Variants in BEGAIN observed in about 807,000 individuals in gnomAD.
BEGAIN encodes brain enriched guanylate kinase associated, also known as brain-enriched guanylate kinase-associated protein.
A neutral mutation model predicts 35.8 loss-of-function variants in BEGAIN; 19 were observed. The ratio of observed to expected loss-of-function variants is 0.53; its 90% CI spans 0.37 to 0.78. The LOEUF is 0.78. Among genes scored for constraint, BEGAIN ranks in the 30% least tolerant of loss-of-function variants. BEGAIN has a pLI of 0.00. For missense variants in BEGAIN, 795 were observed against 853.6 expected (o/e 0.93, Z 0.85); for synonymous variants, 462 against 388.6 (o/e 1.19, Z -2.22).
intron 1 of BEGAIN, among the ~76,000 whole-genome samples, chr14:100,585,592 G>A (rs1228475974): frequency 6.6e-6 from 1 of 151,604 alleles, no homozygotes. Context: ...TCCATAAATG[G>A]CAGCTATGTG....
chr14:100,572,446 G>A (rs1027961871), intron 1 of BEGAIN, among the ~76,000 whole-genome samples: 3 of 152,118 alleles, frequency 2.0e-5, no homozygotes, highest in Non-Finnish European at 2.9e-5. Flanking sequence ...TCCGACTCAG[G>A]CCAGCCCCAC....
Position 100,567,700 on chromosome 14 carries a change from G to C in BEGAIN, c.71+211C>G, listed in dbSNP as rs2034822503. On this transcript the variant is annotated intron_variant, in intron 2 of 6. Coordinates refer to ENST00000554140, the MANE Select transcript of BEGAIN (RefSeq NM_001385089.1). The surrounding 1 kb of genome is among the most constrained non-coding windows in gnomAD (Gnocchi z 5.1). ...GCCCCAGCCCCCGCCGCAGCGGCCC[G>C]GGCCGGCGGAGGAGCCCCGCGCGAG... is the stretch of plus-strand genomic sequence containing the variant. 6.6e-6 allele frequency among the ~76,000 whole-genome samples: 1 copy of C among 151,266 alleles called. No individual in the cohort carries two copies. Among genetic ancestry groups the C allele is most frequent in the Non-Finnish European group, 1.5e-5 (1 of 67,714 alleles).
chr14:100,543,812 A>T, intron 5 of BEGAIN, 46 bp downstream of exon 5: 3 of 1,493,024 alleles, frequency 2.0e-6, no homozygotes, highest in Non-Finnish European at 2.8e-6. Flanking sequence ...GCCCTCGCCT[A>T]GGCCCACCGG....
At chr14:100,581,232 G>A (rs59523201) in intron 1 of BEGAIN, among the ~76,000 whole-genome samples, 3,744 of 152,314 alleles carry the variant, frequency 0.025, 170 homozygotes, top group African/African-American at 0.085. Context: ...TGATGTGGCC[G>A]TTTCACTAGC....
At chr14:100,566,781 G>C (rs1050082276) in intron 2 of BEGAIN, among the ~76,000 whole-genome samples, 13 of 152,190 alleles carry the variant, frequency 8.5e-5, no homozygotes, top group South Asian at 2.1e-4. Flanking sequence ...AGACATGTTG[G>C]TCCTGTCCCT....
At chr14:100,560,017 A>G (rs1291511693) in intron 2 of BEGAIN, among the ~76,000 whole-genome samples, 1 of 152,094 alleles carries the variant, frequency 6.6e-6, no homozygotes, top group Non-Finnish European at 1.5e-5. Flanking sequence ...GGATCCCCCA[A>G]TCTCTGCACC....
intron 5 of BEGAIN, among the ~76,000 whole-genome samples, chr14:100,542,311 A>C (rs2031745724): frequency 6.6e-6 from 1 of 152,190 alleles, no homozygotes; most frequent in Admixed American, 6.5e-5. Context: ...CCCCCTTCTC[A>C]AGTGGTTGTT....
intron 1 of BEGAIN, among the ~76,000 whole-genome samples, chr14:100,583,692 C>CTTTTTTTTTTTTTTTTTTTTTTTTTT (rs56090356): frequency 4.6e-5 from 5 of 108,980 alleles, no homozygotes; most frequent in Non-Finnish European, 8.9e-5. Context: ...GTTTTTCTTC[C>CTTTTTTTTTTTTTTTTTTTTTTTTTT]TTTTTTTTTT....
chr14:100,540,363 G>A, intron 6 of BEGAIN, 133 bp downstream of exon 6: 2 of 717,686 alleles, frequency 2.8e-6, no homozygotes, highest in African/African-American at 1.8e-5. Flanking sequence ...ACAGGAGCGA[G>A]GGGGACAGAG....
rs965922128 is a variant in BEGAIN, at chr14:100,540,523, G to A, written c.465C>T (p.Thr155=). The change falls in exon 6 of 7, where the codon ACC becomes ACT. Residue 155 remains threonine (T), a synonymous_variant. Transcript: ENST00000554140. ...CAGACACCTTGTGGACCCTGCCGTAGGTCTGGCTGCACTGCAGCAGCTGGG... is the reference window on the plus strand; with the variant it reads ...CAGACACCTTGTGGACCCTGCCGTAAGTCTGGCTGCACTGCAGCAGCTGGG... ...LAAQLLQCSQ[T]YGRVHKVSEL... 3 of 1,606,442 alleles carry A rather than the reference G, an allele frequency of 1.9e-6. No individual in the cohort carries two copies. The South Asian group carries it at 3.3e-5, about 18-fold the overall frequency.
Position 100,546,804 on chromosome 14 carries a change from ACACACACACT to A in BEGAIN, c.72-152_72-143del, listed in dbSNP as rs1179699971. 1.5e-4 allele frequency: 95 copies of A among 632,780 alleles called. No homozygotes were observed. In the African/African-American group the frequency reaches 1.7e-3, roughly 12 times the overall value. The allele number at this position is 632,780 out of a possible 1,614,324, so 39.2% of individuals were successfully genotyped here. On this transcript the variant is annotated intron_variant, in intron 2 of 6. Transcript: ENST00000554140. ...CGCACACACACACACACACACACACACACACACACTCACACACACCCAGCCTCCCGGGCGT... is the reference window on the plus strand; with the variant it reads ...CGCACACACACACACACACACACACACACACACACCCAGCCTCCCGGGCGT...
Position 100,546,507 on chromosome 14 carries a change from A to C in BEGAIN, c.227T>G (p.Leu76Arg), listed in dbSNP as rs753062286. 4 of 1,510,714 alleles carry C rather than the reference A, an allele frequency of 2.6e-6. No individual in the cohort carries two copies. The highest frequency in any genetic ancestry group is 3.5e-6 in the Non-Finnish European group (4 of 1,132,098). The allele number at this position is 1,510,714 out of a possible 1,614,324, so 93.6% of individuals were successfully genotyped here. A position where few individuals can be genotyped will look rare whatever the true frequency, so the allele number is the denominator to read the frequency against. Reference protein sequence around the residue: ...QEELEKVTEKLRRIQSNYMAL... With the variant: ...QEELEKVTEKRRRIQSNYMAL... Reference sequence around the variant, plus strand: ...CCCTCGCCCCGCCCCTCACCTGCGCAGCTTCTCCGTGACCTTCTCCAGTTC... The same window carrying C: ...CCCTCGCCCCGCCCCTCACCTGCGCCGCTTCTCCGTGACCTTCTCCAGTTC... Residue 76 changes from leucine to arginine, a missense_variant, in exon 3 of 7, where the codon CTG (leucine) becomes CGG (arginine). Around this residue, in one of 3 missense-constraint regions of BEGAIN, gnomAD observed 73 missense variants for 143.2 expected, o/e 0.51. Transcript: ENST00000554140.
In BEGAIN at chr14:100,537,873, AG is replaced by A. The variant is rs2030793669; in HGVS notation, c.*95del. ...CAGACTCCTCGTTGTTGGCCGGGGCAGGGGAACAGCGGGGGCTGGGGAGAGG... is the reference window on the plus strand; with the variant it reads ...CAGACTCCTCGTTGTTGGCCGGGGCAGGGAACAGCGGGGGCTGGGGAGAGG... On this transcript the variant is annotated 3_prime_UTR_variant, in exon 7 of 7. Transcript: ENST00000554140. The A allele has an allele frequency of 1.4e-6, 2 of 1,452,180 alleles. No homozygotes were observed. The highest frequency in any genetic ancestry group is 2.9e-5 in the African/African-American group (2 of 68,024). The allele number at this position is 1,452,180 out of a possible 1,614,324, so 90.0% of individuals were successfully genotyped here.
intron 1 of BEGAIN, among the ~76,000 whole-genome samples, chr14:100,572,486 C>T (rs550457433): frequency 3.9e-5 from 6 of 152,248 alleles, no homozygotes; most frequent in East Asian, 1.9e-4. Context: ...CTGGCCTCTC[C>T]GACCCCAACC....
At position 100,539,031 on chromosome 14, in the gene BEGAIN, C is replaced by T; in HGVS notation, c.777G>A (p.Arg259=). The part of the protein sequence containing the change: ...DTALYCPEER[R]RDRRPSVDAP... ...CGTCCACGCTAGGCCGCCGGTCTCG[C>T]CGCCGCTCCTCCGGGCAGTAGAGGG... Residue 259 remains arginine (R), a synonymous_variant, in exon 7 of 7, where the codon CGG becomes CGA. Coordinates refer to ENST00000554140, the MANE Select transcript of BEGAIN (RefSeq NM_001385089.1). The T allele has an allele frequency of 6.2e-7, 1 of 1,611,896 alleles. No individual in the cohort carries two copies. Among genetic ancestry groups the T allele is most frequent in the Non-Finnish European group, 8.5e-7 (1 of 1,179,466 alleles).
chr14:100,548,211 A>C (rs1333021120), intron 2 of BEGAIN: 1 of 152,142 alleles, frequency 6.6e-6, no homozygotes, highest in Non-Finnish European at 1.5e-5. Context: ...GACAGTGCTC[A>C]GGCCTCCTTC....
intron 3 of BEGAIN, 147 bp downstream of exon 3, chr14:100,546,354 C>G (rs1566964101): frequency 3.9e-6 from 1 of 258,058 alleles, no homozygotes; most frequent in Non-Finnish European, 6.9e-6. Flanking sequence ...GGCCCTCGCC[C>G]CGCCCCGGCC....
chr14:100,576,616 G>A (rs1325225719), intron 1 of BEGAIN, among the ~76,000 whole-genome samples: 1 of 152,148 alleles, frequency 6.6e-6, no homozygotes, highest in Admixed American at 6.5e-5. Context: ...ACTGGGGCAC[G>A]AGCAACATCC....
intron 1 of BEGAIN, among the ~76,000 whole-genome samples, chr14:100,574,297 T>C (rs1348695405): frequency 6.6e-6 from 1 of 152,192 alleles, no homozygotes; most frequent in East Asian, 1.9e-4. Context: ...AGAATGTCCT[T>C]CCCCTGGGGA....
Sources: gnomAD v4.1 joint callset for allele counts (sites outside exome capture counted in the v4.1 genomes callset) on GRCh38, gnomAD v4.1.1 for gene constraint, gnomAD v4.1.1 regional missense constraint, Gnocchi (gnomAD v3.1) non-coding constraint, MANE v1.5 for transcripts, NCBI Gene and HGNC (gene_info 2026-07-23, HGNC 2026-07-21) for gene names.